SYT16: variants seen among roughly 807,000 people sequenced by gnomAD.
SYT16 encodes the protein synaptotagmin-16.
A neutral mutation model predicts 61.4 loss-of-function variants in SYT16; 42 were observed. The ratio of observed to expected loss-of-function variants is 0.68; its 90% confidence interval spans 0.53 to 0.89. SYT16 has a LOEUF of 0.89. Among genes scored for constraint, SYT16 ranks in the 40% least tolerant of loss-of-function variants. The pLI is 0.00. For synonymous variants in SYT16, 314 were observed against 302.3 expected, an observed-to-expected ratio of 1.04 and a Z score of -0.40; for missense variants, 804 against 807.3, an observed-to-expected ratio of 1.00 and a Z score of 0.05.
chr14:61,960,926 G>A (rs1016794809), intron 1 of SYT16, among the ~76,000 whole-genome samples: 2 of 152,074 alleles, frequency 1.3e-5, no homozygotes, highest in African/African-American at 4.8e-5. Context: ...AGACACTTGT[G>A]TCAATGGAAC....
intron 3 of SYT16, among the ~76,000 whole-genome samples, chr14:62,043,219 C>T (rs969374387): frequency 4.0e-5 from 6 of 151,682 alleles, no homozygotes; most frequent in Admixed American, 6.6e-5. Flanking sequence ...CTCCAGTACC[C>T]CCTCAGAAGG....
At chr14:61,906,040 C>G (rs1462659518) in intron 1 of SYT16, among the ~76,000 whole-genome samples, 1 of 152,212 alleles carries the variant, frequency 6.6e-6, no homozygotes, top group Non-Finnish European at 1.5e-5. Context: ...CAGGTGTGAG[C>G]CACCGCGCCC....
At chr14:61,858,893 T>C (rs1025811979) in intron 1 of SYT16, among the ~76,000 whole-genome samples, 20 of 151,390 alleles carry the variant, frequency 1.3e-4, no homozygotes, top group South Asian at 4.2e-4. Context: ...CTCACTCTGT[T>C]GCCCAGGCTG....
intron 3 of SYT16, among the ~76,000 whole-genome samples, chr14:62,016,682 C>T (rs1463556873): frequency 6.6e-6 from 1 of 151,930 alleles, no homozygotes; most frequent in Non-Finnish European, 1.5e-5. Flanking sequence ...CACTGCACTC[C>T]AGCCTGGGTG....
intron 1 of SYT16, among the ~76,000 whole-genome samples, chr14:61,850,132 T>G (rs755792902): frequency 3.9e-5 from 6 of 151,988 alleles, no homozygotes; most frequent in Non-Finnish European, 8.8e-5. Flanking sequence ...TTTTTTCTTT[T>G]TCTTTTTCTT....
intron 3 of SYT16, among the ~76,000 whole-genome samples, chr14:62,040,014 A>G (rs1442422097): frequency 6.6e-6 from 1 of 151,810 alleles, no homozygotes; most frequent in Admixed American, 6.6e-5. Context: ...TCTAGCAGCA[A>G]TCTTGGTTCT....
intron 5 of SYT16, among the ~76,000 whole-genome samples, chr14:62,078,253 C>T (rs1595363495): frequency 6.6e-6 from 1 of 151,062 alleles, no homozygotes; most frequent in East Asian, 1.9e-4. Context: ...AGAAAGGAGA[C>T]TGTATGTTTC....
Position 61,957,457 on chromosome 14 carries a change from C to G in SYT16, c.-324-12675C>G, listed in dbSNP as rs1033142860. Reference sequence around the variant, plus strand: ...TACCTGTGGGCTTTGAATAAGTGGCCCTGATTTTGTTGAAGTAAGTTCCTT... The same window carrying G: ...TACCTGTGGGCTTTGAATAAGTGGCGCTGATTTTGTTGAAGTAAGTTCCTT... On this transcript the variant is annotated intron_variant, in intron 1 of 7. Coordinates refer to ENST00000683842, the MANE Select transcript of SYT16 (RefSeq NM_001367656.1). 2.6e-5 allele frequency among the ~76,000 whole-genome samples: 4 copies of G among 151,668 alleles called. No individual in the cohort carries two copies. The South Asian group carries it at 8.3e-4, about 31-fold the overall frequency.
intron 7 of SYT16, 141 bp from the exon 8 acceptor site, chr14:62,100,253 C>A: frequency 1.4e-6 from 1 of 706,640 alleles, no homozygotes; most frequent in Non-Finnish European, 2.3e-6. Context: ...TGCCCAACAG[C>A]AAGAACCAGG....
At chr14:61,987,897 G>A (rs2052385239) in intron 2 of SYT16, among the ~76,000 whole-genome samples, 1 of 151,864 alleles carries the variant, frequency 6.6e-6, no homozygotes, top group Admixed American at 6.6e-5. Context: ...ATCATTTTTG[G>A]CCTACTTTTG....
chr14:61,931,919 A>G (rs1476678652), intron 1 of SYT16, among the ~76,000 whole-genome samples: 1 of 152,252 alleles, frequency 6.6e-6, no homozygotes, highest in African/African-American at 2.4e-5. Context: ...TTTGATATGT[A>G]TTAGAAAACT....
At chr14:62,053,247 C>T (rs559571615) in intron 3 of SYT16, among the ~76,000 whole-genome samples, 4 of 152,288 alleles carry the variant, frequency 2.6e-5, no homozygotes, top group South Asian at 2.1e-4. Flanking sequence ...ATGAAAAAGA[C>T]GTTTTTTGGA....
intron 1 of SYT16, among the ~76,000 whole-genome samples, chr14:61,850,549 G>C (rs1474045195): frequency 6.6e-6 from 1 of 152,018 alleles, no homozygotes; most frequent in African/African-American, 2.4e-5. Context: ...TAATGGTGTT[G>C]GTTGTTCTTA....
chr14:61,883,222 T>C (rs2047768012), intron 1 of SYT16, among the ~76,000 whole-genome samples: 1 of 152,260 alleles, frequency 6.6e-6, no homozygotes, highest in Non-Finnish European at 1.5e-5. Context: ...TCATTACTTA[T>C]GCAAATTTCT....
At chr14:61,883,939 C>T (rs1215598719) in intron 1 of SYT16, among the ~76,000 whole-genome samples, 1 of 152,174 alleles carries the variant, frequency 6.6e-6, no homozygotes, top group African/African-American at 2.4e-5. Context: ...TTTTGAGACT[C>T]ACTAACTATC....
At chr14:62,098,945 T>G in intron 7 of SYT16, among the ~76,000 whole-genome samples, 1 of 151,892 alleles carries the variant, frequency 6.6e-6, no homozygotes. Flanking sequence ...TGAGGCTGAG[T>G]ATTAGTGGGG....
chr14:61,878,743 C>T (rs2047590518), intron 1 of SYT16, among the ~76,000 whole-genome samples: 1 of 152,168 alleles, frequency 6.6e-6, no homozygotes, highest in Non-Finnish European at 1.5e-5. Context: ...TCTCCCTCTT[C>T]TGCTGTGGAC....
At chr14:61,897,134 A>G (rs1385576764) in intron 1 of SYT16, 1 of 152,254 alleles carries the variant, frequency 6.6e-6, no homozygotes, top group African/African-American at 2.4e-5. Flanking sequence ...GAACACAACC[A>G]TGCTTACTTG....
Position 62,100,821 on chromosome 14 carries a change from C to T in SYT16, c.*114C>T, listed in dbSNP as rs1039362546. Reference sequence around the variant, plus strand: ...GGTTTCAAAAACAGATTCCACTAACCCCTAGGACATTGTGAGTGGGAGTTT... The same window carrying T: ...GGTTTCAAAAACAGATTCCACTAACTCCTAGGACATTGTGAGTGGGAGTTT... On this transcript the variant is annotated 3_prime_UTR_variant, in exon 8 of 8. Coordinates refer to ENST00000683842, the MANE Select transcript of SYT16 (RefSeq NM_001367656.1). 9 of 1,061,678 alleles carry T rather than the reference C, an allele frequency of 8.5e-6. No homozygotes were observed. Among genetic ancestry groups the T allele is most frequent in the Admixed American group, 2.9e-5 (1 of 34,758 alleles). The allele number at this position is 1,061,678 out of a possible 1,614,324, so 65.8% of individuals were successfully genotyped here.
Sources: gnomAD v4.1 joint callset for allele counts (sites outside exome capture counted in the v4.1 genomes callset) on GRCh38, gnomAD v4.1.1 for gene constraint, MANE v1.5 for transcripts, NCBI Gene and HGNC (gene_info 2026-07-23, HGNC 2026-07-21) for gene names.